Variants in TECTA observed in about 807,000 individuals in gnomAD.
TECTA encodes the protein alpha-tectorin.
A neutral mutation model predicts 216.8 loss-of-function variants in TECTA; 128 were observed. That is an observed-to-expected ratio of 0.59 (90% CI 0.51 to 0.68). The LOEUF (loss-of-function observed/expected upper bound fraction) is 0.68, where lower values mean the gene tolerates loss of function less well. Among genes scored for constraint, TECTA ranks in the 30% least tolerant of loss-of-function variants. The pLI is 0.00. For missense variants in TECTA, 2,551 were observed against 2,786.2 expected (o/e 0.92, Z 1.90); for synonymous variants, 1,089 against 1,117.1 (o/e 0.97, Z 0.50).
At position 121,181,982 on chromosome 11, in the gene TECTA, G is replaced by C. The variant is rs147066493; in HGVS notation, c.6000-5850G>C. Among the ~76,000 whole-genome samples the C allele has an allele frequency of 4.6e-5, 7 of 152,316 alleles. 1 individual carries two copies. The South Asian group carries it at 6.2e-4, about 14-fold the overall frequency. On this transcript the variant is annotated intron_variant, in intron 20 of 23. Transcript: ENST00000392793. Reference sequence around the variant, plus strand: ...GGACACAGCAGTGTGGTCTCCATATGATTTCTTCAGCTGTAATCAGCATCA... The same window carrying C: ...GGACACAGCAGTGTGGTCTCCATATCATTTCTTCAGCTGTAATCAGCATCA...
chr11:121,151,150 G>A (rs1946885906), intron 12 of TECTA, among the ~76,000 whole-genome samples: 1 of 152,182 alleles, frequency 6.6e-6, no homozygotes, highest in Non-Finnish European at 1.5e-5. Context: ...TTGTTTCCAA[G>A]GATCAGACAA....
intron 20 of TECTA, among the ~76,000 whole-genome samples, chr11:121,175,862 T>G (rs547440874): frequency 1.6e-4 from 24 of 152,340 alleles, no homozygotes; most frequent in African/African-American, 5.5e-4. Flanking sequence ...GCTTTATGAA[T>G]CTGGGTGCTC....
chr11:121,142,993 C>T (rs1946799154), intron 11 of TECTA, among the ~76,000 whole-genome samples: 1 of 152,212 alleles, frequency 6.6e-6, no homozygotes, highest in African/African-American at 2.4e-5. Context: ...CTCTCTCCTC[C>T]CCTTTCTGGT....
rs556330245 is a variant in TECTA, at chr11:121,143,994, C to T, written c.3544-1561C>T. ...CAAAGTGGTTCCCATGGGGCCAAGG[C>T]CAGCTGTGAGTTATCATTAGCCCAT... On this transcript the variant is annotated intron_variant, in intron 11 of 23. Coordinates refer to ENST00000392793, the MANE Select transcript of TECTA (RefSeq NM_005422.4). Among the ~76,000 whole-genome samples, 5 of 152,272 alleles carry T rather than the reference C, an allele frequency of 3.3e-5. No homozygotes were observed. In the South Asian group the frequency reaches 8.3e-4, roughly 25 times the overall value.
Position 121,113,101 on chromosome 11 carries a change from C to G in TECTA, c.516C>G (p.Ser172=), listed in dbSNP as rs758801148. 6.2e-7 allele frequency: 1 copy of G among 1,614,104 alleles called. No homozygotes were observed. The highest frequency in any genetic ancestry group is 8.5e-7 in the Non-Finnish European group (1 of 1,180,018). Residue 172 remains serine (S), a synonymous_variant, in exon 5 of 24, where the codon TCC becomes TCG. Transcript: ENST00000392793. The surrounding 1 kb of genome is among the most constrained non-coding windows in gnomAD (Gnocchi z 4.2). ...PVNTFQAVLV[S]DGSYTFTLFN... is the part of the protein sequence containing the mutation. ...ACACCTTCCAGGCCGTCCTAGTGTC[C>G]GATGGCTCCTATACATTCACCCTCT...
At chr11:121,161,707 T>A (rs951172479) in intron 15 of TECTA, among the ~76,000 whole-genome samples, 2 of 151,364 alleles carry the variant, frequency 1.3e-5, no homozygotes, top group Admixed American at 1.3e-4. Context: ...GTATCATTAC[T>A]ATTATCATTG....
intron 13 of TECTA, 139 bp downstream of exon 13, chr11:121,153,219 G>C: frequency 9.8e-7 from 1 of 1,021,908 alleles, no homozygotes; most frequent in Non-Finnish European, 1.4e-6. Flanking sequence ...TGGGATGGGG[G>C]GTAGAGAGGC....
intron 4 of TECTA, chr11:121,109,763 C>T: frequency 2.1e-6 from 1 of 472,346 alleles, no homozygotes; most frequent in Non-Finnish European, 3.9e-6. Context: ...AAAAACTTTC[C>T]TGCTGTAAGT....
intron 20 of TECTA, among the ~76,000 whole-genome samples, chr11:121,177,830 C>G (rs999742635): frequency 6.6e-6 from 1 of 152,220 alleles, no homozygotes; most frequent in African/African-American, 2.4e-5. Context: ...GTGGGCTCCA[C>G]CCAGTTCGAG....
intron 6 of TECTA, among the ~76,000 whole-genome samples, chr11:121,114,357 G>A (rs568063617): frequency 6.6e-6 from 1 of 152,196 alleles, no homozygotes; most frequent in South Asian, 2.1e-4. Flanking sequence ...CCAAAGTTTG[G>A]AGCCTTTTCT....
At chr11:121,132,942 C>T (rs1172819809) in intron 10 of TECTA, among the ~76,000 whole-genome samples, 1 of 152,094 alleles carries the variant, frequency 6.6e-6, no homozygotes, top group Non-Finnish European at 1.5e-5. Context: ...CCATCTTGGC[C>T]AGGCTGGTCT....
intron 20 of TECTA, 110 bp downstream of exon 20, chr11:121,169,035 C>T (rs1591464744): frequency 1.3e-6 from 2 of 1,546,106 alleles, no homozygotes; most frequent in East Asian, 2.3e-5. Context: ...GCCTACAAGG[C>T]CAGAATTTTG....
chr11:121,173,797 C>T (rs1220362), intron 20 of TECTA, among the ~76,000 whole-genome samples: 69,914 of 151,742 alleles, frequency 0.46, 18,790 homozygotes, highest in African/African-American at 0.75. Context: ...GCCATTTTCA[C>T]GATATTGATT....
rs765570531 is a variant in TECTA at position 121,105,863 on chromosome 11, C to T, written c.97C>T (p.Gln33Ter). The T allele has an allele frequency of 6.2e-7, 1 of 1,614,170 alleles. No homozygotes were observed. The highest frequency in any genetic ancestry group is 1.1e-5 in the South Asian group (1 of 91,084). ...QPRELMYPFW[Q>*]NDTKTPKVDD... ...CAGGGAGCTCATGTATCCATTTTGG[C>T]AGAATGACACCAAAACCCCTAAAGT... The change falls in exon 3 of 24, where the codon CAG becomes TAG. Residue 33 changes from glutamine (Q) to a stop codon, truncating the protein, a stop_gained. Transcript: ENST00000392793. LOFTEE classifies it high-confidence loss of function. The surrounding 1 kb of genome is among the most constrained non-coding windows in gnomAD (Gnocchi z 5.3).
chr11:121,118,298 T>G lies in TECTA; in HGVS notation c.791-8T>G. 6.2e-7 allele frequency: 1 copy of G among 1,614,144 alleles called. No homozygotes were observed. The highest frequency in any genetic ancestry group is 8.5e-7 in the Non-Finnish European group (1 of 1,180,042). ...GTAAATGTTGGCTCTAATGTCATTATTCCCCAGGACAATTCCTTCGGCGAG... is the reference window on the plus strand; with the variant it reads ...GTAAATGTTGGCTCTAATGTCATTAGTCCCCAGGACAATTCCTTCGGCGAG... On this transcript the variant is annotated splice_polypyrimidine_tract_variant and splice_region_variant and intron_variant, in intron 6 of 23. Coordinates refer to ENST00000392793, the MANE Select transcript of TECTA (RefSeq NM_005422.4).
At chr11:121,135,085 G>A (rs191133349) in intron 10 of TECTA, among the ~76,000 whole-genome samples, 2 of 152,304 alleles carry the variant, frequency 1.3e-5, no homozygotes, top group African/African-American at 4.8e-5. Flanking sequence ...TGGTTCTGGC[G>A]AGTAGCACTG....
rs374497875 is a variant in TECTA, at chr11:121,189,190, A to G, written c.6250+23A>G. 2.5e-6 allele frequency: 4 copies of G among 1,608,362 alleles called. No homozygotes were observed. The African/African-American group carries it at 5.4e-5, about 22-fold the overall frequency. ...AAAGTATGTATGTTCCCTAAAACAC[A>G]CCCTAAATTATTAAAACAACGGGAT... On this transcript the variant is annotated intron_variant, in intron 22 of 23. Coordinates refer to ENST00000392793, the MANE Select transcript of TECTA (RefSeq NM_005422.4).
In TECTA at chr11:121,172,694, G is replaced by A. The variant is rs1591466201; in HGVS notation, c.5999+3769G>A. Among the ~76,000 whole-genome samples, 5 of 151,896 alleles carry A rather than the reference G, an allele frequency of 3.3e-5. No individual in the cohort carries two copies. In the South Asian group the frequency reaches 1.0e-3, roughly 32 times the overall value. On this transcript the variant is annotated intron_variant, in intron 20 of 23. Transcript: ENST00000392793. ...AGCAGCATGATTTATAGTCCTTTGG[G>A]TATATACCCAGTAATGGGATGGCTG... is the stretch of plus-strand genomic sequence containing the variant.
intron 11 of TECTA, among the ~76,000 whole-genome samples, chr11:121,144,574 T>C (rs780004713): frequency 6.6e-6 from 1 of 152,088 alleles, no homozygotes; most frequent in African/African-American, 2.4e-5. Flanking sequence ...GCTGTCTCTA[T>C]CTTCCATCAT....
Sources: allele counts gnomAD v4.1 joint callset (sites outside exome capture counted in the v4.1 genomes callset), GRCh38; gene constraint gnomAD v4.1.1; non-coding constraint Gnocchi (gnomAD v3.1); transcripts MANE v1.5; gene names NCBI Gene and HGNC (gene_info 2026-07-23, HGNC 2026-07-21).